Variants in ZDBF2 observed in about 807,000 individuals in gnomAD.
ZDBF2 encodes the protein DBF4-type zinc finger-containing protein 2.
A neutral mutation model predicts 9.4 loss-of-function variants in ZDBF2; 6 were observed. The observed-to-expected ratio is 0.64, with a 90% CI of 0.35 to 1.27. The LOEUF is 1.27. Ranked by LOEUF, ZDBF2 falls within the 50% of genes most tolerant of loss-of-function variation. ZDBF2 has a pLI of 0.03. For synonymous variants in ZDBF2, 905 were observed against 946.3 expected (o/e 0.96, Z 0.80); for missense variants, 2,697 against 2,766.8 (o/e 0.97, Z 0.57).
chr2:206,297,458 G>A (rs896819798), intron 4 of ZDBF2, 85 bp downstream of exon 4: 12 of 1,240,210 alleles, frequency 9.7e-6, no homozygotes, highest in Non-Finnish European at 1.3e-5. Context: ...AATACTTTAA[G>A]TGAATCTTTG....
intron 3 of ZDBF2, among the ~76,000 whole-genome samples, chr2:206,283,383 G>GTT (rs148382880): frequency 2.0e-5 from 3 of 149,526 alleles, no homozygotes; most frequent in African/African-American, 7.3e-5. Flanking sequence ...TGTCTGTTTT[G>GTT]TTTTTTGTTG....
intron 4 of ZDBF2, among the ~76,000 whole-genome samples, 159 bp downstream of exon 4, chr2:206,297,532 GAA>G (rs1692254941): frequency 6.6e-6 from 1 of 152,142 alleles, no homozygotes; most frequent in East Asian, 1.9e-4. Context: ...TTTCTTAGCT[GAA>G]GTAAGAAATT....
At chr2:206,278,078 G>A (rs2105892225) in intron 1 of ZDBF2, among the ~76,000 whole-genome samples, 1 of 152,252 alleles carries the variant, frequency 6.6e-6, no homozygotes, top group Non-Finnish European at 1.5e-5. Context: ...CTATAGAATA[G>A]AATGTACTGT....
intron 3 of ZDBF2, among the ~76,000 whole-genome samples, chr2:206,294,096 A>G (rs1692041683): frequency 6.6e-6 from 1 of 152,228 alleles, no homozygotes; most frequent in Non-Finnish European, 1.5e-5. Context: ...TATGAATATC[A>G]CATATATAAT....
chr2:206,283,508 C>A (rs1691439518), intron 3 of ZDBF2, among the ~76,000 whole-genome samples: 1 of 151,944 alleles, frequency 6.6e-6, no homozygotes, highest in African/African-American at 2.4e-5. Context: ...ATTTGTATAT[C>A]TTGTTTAGAG....
At chr2:206,287,286 T>G (rs1032675616) in intron 3 of ZDBF2, among the ~76,000 whole-genome samples, 1 of 152,244 alleles carries the variant, frequency 6.6e-6, no homozygotes. Flanking sequence ...TTCCTTCAGT[T>G]TTTGTTTCTC....
chr2:206,297,603 T>C (rs1692259638), intron 4 of ZDBF2, among the ~76,000 whole-genome samples: 1 of 152,228 alleles, frequency 6.6e-6, no homozygotes, highest in African/African-American at 2.4e-5. Flanking sequence ...CTTAGGCTAA[T>C]AATTATATAT....
intron 3 of ZDBF2, among the ~76,000 whole-genome samples, chr2:206,293,997 G>A (rs936711875): frequency 1.1e-4 from 16 of 151,988 alleles, no homozygotes; most frequent in Admixed American, 2.0e-4. Context: ...CAACACAAAT[G>A]TCCATCAAGA....
chr2:206,296,340 G>C (rs1383922195), intron 3 of ZDBF2, among the ~76,000 whole-genome samples: 1 of 152,212 alleles, frequency 6.6e-6, no homozygotes, highest in African/African-American at 2.4e-5. Flanking sequence ...TATTCCTGCT[G>C]TCTGCCCATT....
chr2:206,294,985 A>G (rs1692093038), intron 3 of ZDBF2, among the ~76,000 whole-genome samples: 1 of 152,140 alleles, frequency 6.6e-6, no homozygotes, highest in East Asian at 1.9e-4. Flanking sequence ...TGGACAGTGG[A>G]GAGTTTCGTA....
chr2:206,309,968 G>A lies in ZDBF2; in HGVS notation c.5440G>A (p.Glu1814Lys). The A allele has an allele frequency of 6.2e-7, 1 of 1,613,354 alleles. No individual in the cohort carries two copies. Among genetic ancestry groups the A allele is most frequent in the South Asian group, 1.1e-5 (1 of 90,882 alleles). Residue 1814 changes from glutamate to lysine, a missense_variant, in exon 5 of 5, where the codon GAA (glutamate) becomes AAA (lysine). Transcript: ENST00000374423. ...GGATGTCATAGAGGATAATCCTGAT[G>A]AACCAGTTCTTGAAGCCTTGCCTCA... ...AKDVIEDNPD[E>K]PVLEALPHVP...
intron 4 of ZDBF2, among the ~76,000 whole-genome samples, chr2:206,303,775 G>T: frequency 6.6e-6 from 1 of 151,878 alleles, no homozygotes; most frequent in Non-Finnish European, 1.5e-5. Context: ...TATTCTAAGT[G>T]CATTATTTTT....
chr2:206,284,041 C>T (rs187394263), intron 3 of ZDBF2, among the ~76,000 whole-genome samples: 2 of 152,212 alleles, frequency 1.3e-5, no homozygotes, highest in Admixed American at 6.5e-5. Flanking sequence ...TTTTTGGTGT[C>T]AGAAGGGTTG....
Position 206,307,986 on chromosome 2 carries a change from G to T in ZDBF2, c.3458G>T (p.Ser1153Ile), listed in dbSNP as rs187258014. 6.2e-7 allele frequency: 1 copy of T among 1,613,800 alleles called. No individual in the cohort carries two copies. The highest frequency in any genetic ancestry group is 1.7e-5 in the Admixed American group (1 of 59,990). The change falls in exon 5 of 5, where the codon AGC (serine) becomes ATC (isoleucine). Residue 1153 changes from serine (S) to isoleucine (I), a missense_variant. Physicochemically the swap from Ser to Ile is moderately radical, Grantham distance 142. Transcript: ENST00000374423. ...ENHMYLEVKN[S>I]QYSCSEMNLD... is the part of the protein sequence containing the mutation. ...CATATGTACTTGGAAGTTAAGAACAGCCAATATAGTTGTTCAGAAATGAAT... is the reference window on the plus strand; with the variant it reads ...CATATGTACTTGGAAGTTAAGAACATCCAATATAGTTGTTCAGAAATGAAT...
At position 206,306,395 on chromosome 2, in the gene ZDBF2, A is replaced by G. The variant is rs1574417321; in HGVS notation, c.1867A>G (p.Lys623Glu). Residue 623 changes from lysine to glutamate, a missense_variant, in exon 5 of 5, where the codon AAA becomes GAA. Physicochemically the swap from Lys to Glu is moderately conservative, Grantham distance 56. Coordinates refer to ENST00000374423, the MANE Select transcript of ZDBF2 (RefSeq NM_020923.3). ...KHKKRKPSSA[K>E]AHLDCDVSLG... Reference sequence around the variant, plus strand: ...TAAGAAGCGTAAACCCAGTAGTGCTAAAGCACATCTTGATTGTGATGTCTC... The same window carrying G: ...TAAGAAGCGTAAACCCAGTAGTGCTGAAGCACATCTTGATTGTGATGTCTC... 1.2e-6 allele frequency: 2 copies of G among 1,613,830 alleles called. No individual in the cohort carries two copies. The highest frequency in any genetic ancestry group is 1.7e-6 in the Non-Finnish European group (2 of 1,179,808).
Position 206,306,605 on chromosome 2 carries a change from G to GAA in ZDBF2, c.2078_2079insAA (p.Asp693GlufsTer15). 1 of 1,613,682 alleles carries GAA rather than the reference G, an allele frequency of 6.2e-7. No homozygotes were observed. Among genetic ancestry groups the GAA allele is most frequent in the Non-Finnish European group, 8.5e-7 (1 of 1,179,766 alleles). On this transcript the variant is annotated frameshift_variant, in exon 5 of 5. Transcript: ENST00000374423. LOFTEE classifies it low-confidence loss of function (END_TRUNC). ...AATAGAGCGTCAGAAAGTGGATGTTGACCTTGAGAATAAGAGTGTTCAGTC... is the reference window on the plus strand; with the variant it reads ...AATAGAGCGTCAGAAAGTGGATGTTGAAACCTTGAGAATAAGAGTGTTCAGTC...
chr2:206,286,154 A>T (rs149257824), intron 3 of ZDBF2, among the ~76,000 whole-genome samples: 2 of 152,310 alleles, frequency 1.3e-5, no homozygotes, highest in Non-Finnish European at 2.9e-5. Context: ...GCATGTGCTG[A>T]TGAAGCAAAT....
chr2:206,307,387 T>G lies in ZDBF2; in HGVS notation c.2859T>G (p.Val953=), dbSNP rs561414453. The change falls in exon 5 of 5, where the codon GTT becomes GTG. Residue 953 remains valine, a synonymous_variant. Coordinates refer to ENST00000374423, the MANE Select transcript of ZDBF2 (RefSeq NM_020923.3). ...KEHMYLENKS[V]FETSLDSDVP... ...ACATGTACTTAGAAAATAAGAGTGT[T>G]TTTGAAACAAGTTTGGATTCTGATG... is the stretch of plus-strand genomic sequence containing the variant. The G allele has an allele frequency of 4.5e-4, 730 of 1,613,056 alleles. 13 individuals are homozygous for G. In the South Asian group the frequency reaches 7.4e-3, roughly 16 times the overall value.
At chr2:206,276,829 T>G (rs1691031351) in intron 1 of ZDBF2, among the ~76,000 whole-genome samples, 1 of 152,242 alleles carries the variant, frequency 6.6e-6, no homozygotes, top group African/African-American at 2.4e-5. Flanking sequence ...TATTAGCTAT[T>G]ATTATTTTAT....
Sources: gnomAD v4.1 joint callset for allele counts (sites outside exome capture counted in the v4.1 genomes callset) on GRCh38, gnomAD v4.1.1 for gene constraint, MANE v1.5 for transcripts, NCBI Gene and HGNC (gene_info 2026-07-23, HGNC 2026-07-21) for gene names.